Variants in PDE8A observed in about 807,000 individuals in gnomAD.
PDE8A encodes the protein high affinity cAMP-specific and IBMX-insensitive 3',5'-cyclic phosphodiesterase 8A.
PDE8A carries 59 observed loss-of-function variants against 105.0 expected under a neutral mutation model. The observed-to-expected ratio is 0.56, with a 90% CI of 0.46 to 0.70. PDE8A has a LOEUF of 0.70. Among genes scored for constraint, PDE8A ranks in the 30% least tolerant of loss-of-function variants. The pLI is 0.00. For synonymous variants in PDE8A, 355 were observed against 371.9 expected, an observed-to-expected ratio of 0.95 and a Z score of 0.52; for missense variants, 1,014 against 1,045.9, an observed-to-expected ratio of 0.97 and a Z score of 0.42.
intron 1 of PDE8A, among the ~76,000 whole-genome samples, chr15:85,037,743 GGAAAT>G (rs991903564): frequency 1.1e-3 from 173 of 152,250 alleles, no homozygotes; most frequent in African/African-American, 4.1e-3. Context: ...GAAGTAAAGA[GGAAAT>G]GATATCAGCA....
At chr15:85,117,228 A>G (rs2082110154) in intron 16 of PDE8A, among the ~76,000 whole-genome samples, 1 of 152,232 alleles carries the variant, frequency 6.6e-6, no homozygotes, top group Non-Finnish European at 1.5e-5. Flanking sequence ...TATAGGCAGG[A>G]TGTCTGGCCA....
chr15:85,048,512 C>G (rs1029472087), intron 1 of PDE8A, among the ~76,000 whole-genome samples: 1 of 152,170 alleles, frequency 6.6e-6, no homozygotes, highest in Non-Finnish European at 1.5e-5. Context: ...TCTGCTTTCT[C>G]TTACGAAACT....
chr15:85,102,617 G>C (rs1016507175), intron 11 of PDE8A, among the ~76,000 whole-genome samples: 1 of 151,686 alleles, frequency 6.6e-6, no homozygotes, highest in African/African-American at 2.4e-5. Flanking sequence ...GAGGCAGGCA[G>C]ATCACCTGAG....
At chr15:85,057,861 A>G (rs374979323) in intron 1 of PDE8A, among the ~76,000 whole-genome samples, 4 of 152,306 alleles carry the variant, frequency 2.6e-5, no homozygotes, top group African/African-American at 4.8e-5. Context: ...TCATATGTCA[A>G]TACATCCTTG....
rs534596325 is a variant in PDE8A, at chr15:85,093,385, C to T, written c.852+2204C>T. Among the ~76,000 whole-genome samples the T allele has an allele frequency of 4.2e-4, 64 of 152,274 alleles. 1 individual carries two copies. Among genetic ancestry groups the T allele is most frequent in the Non-Finnish European group, 1.0e-4 (7 of 68,028 alleles). On this transcript the variant is annotated intron_variant, in intron 8 of 21. Transcript: ENST00000394553. Reference sequence around the variant, plus strand: ...GTGAAAGAATCCATAATTCCATCTCCGGGGAACAGGGCTTGTTGAGGGGTC... The same window carrying T: ...GTGAAAGAATCCATAATTCCATCTCTGGGGAACAGGGCTTGTTGAGGGGTC...
At chr15:85,037,753 T>A (rs2080731263) in intron 1 of PDE8A, among the ~76,000 whole-genome samples, 1 of 152,224 alleles carries the variant, frequency 6.6e-6, no homozygotes, top group Non-Finnish European at 1.5e-5. Context: ...GGAAATGATA[T>A]CAGCAGATGT....
At position 84,981,918 on chromosome 15, in the gene PDE8A, G is replaced by C. The variant is rs1258208909; in HGVS notation, c.-245G>C. 1 of 252,598 alleles carries C rather than the reference G, an allele frequency of 4.0e-6. No homozygotes were observed. Among genetic ancestry groups the C allele is most frequent in the African/African-American group, 2.3e-5 (1 of 44,004 alleles). The allele number at this position is 252,598 out of a possible 1,614,324, so 15.6% of individuals were successfully genotyped here. A position where few individuals can be genotyped will look rare whatever the true frequency, so the allele number is the denominator to read the frequency against. On this transcript the variant is annotated 5_prime_UTR_variant, in exon 1 of 22. It removes an upstream start codon present in the reference 5' UTR. Coordinates refer to ENST00000394553, the MANE Select transcript of PDE8A (RefSeq NM_002605.3). ...TCGGCTCCTGCCTCAGGAAGGGCAT[G>C]TTCGGAGGGGCGGCCTCGGCACGCC...
In PDE8A at chr15:85,030,115, C is replaced by T. The variant is rs577990023; in HGVS notation, c.187-34255C>T. On this transcript the variant is annotated intron_variant, in intron 1 of 21. Transcript: ENST00000394553. ...ATTCTCACTTGCATTGAGCTCCAAC[C>T]TCCCTTTGGTTACTTCCATAGGTCA... Among the ~76,000 whole-genome samples the T allele has an allele frequency of 3.9e-5, 6 of 152,280 alleles. No homozygotes were observed. The East Asian group carries it at 9.7e-4, about 25-fold the overall frequency.
intron 1 of PDE8A, among the ~76,000 whole-genome samples, chr15:85,027,100 C>A (rs1012604059): frequency 2.0e-5 from 3 of 152,120 alleles, no homozygotes; most frequent in African/African-American, 4.8e-5. Context: ...CCTGTAAGAA[C>A]AAAAAGTCCT....
intron 3 of PDE8A, among the ~76,000 whole-genome samples, chr15:85,072,108 CT>C (rs1429495170): frequency 6.6e-6 from 1 of 152,180 alleles, no homozygotes; most frequent in Non-Finnish European, 1.5e-5. Flanking sequence ...GCACCAGATG[CT>C]TTTATACAAT....
upstream of PDE8A, among the ~76,000 whole-genome samples, chr15:84,981,249 CGCATGCTCA>C (rs1483000148): frequency 1.3e-5 from 2 of 152,210 alleles, no homozygotes; most frequent in African/African-American, 4.8e-5. Flanking sequence ...GTCGTCGCCG[CGCATGCTCA>C]GTTGCGGGCG....
At chr15:85,100,093 C>T (rs751301005) in intron 10 of PDE8A, 27 bp downstream of exon 10, 1 of 1,613,100 alleles carries the variant, frequency 6.2e-7, no homozygotes, top group South Asian at 1.1e-5. Flanking sequence ...CCCCGGGGCC[C>T]CAGGAACACC....
intron 1 of PDE8A, among the ~76,000 whole-genome samples, chr15:85,037,742 A>C (rs1201375015): frequency 6.6e-6 from 1 of 152,220 alleles, no homozygotes; most frequent in African/African-American, 2.4e-5. Context: ...TGAAGTAAAG[A>C]GGAAATGATA....
chr15:84,995,346 C>G (rs1472893577), intron 1 of PDE8A, among the ~76,000 whole-genome samples: 1 of 151,240 alleles, frequency 6.6e-6, no homozygotes, highest in Admixed American at 6.6e-5. Context: ...GCAGGGTCTC[C>G]CTCTGTTGCC....
chr15:85,080,754 A>G (rs907252468), intron 5 of PDE8A, among the ~76,000 whole-genome samples: 5 of 152,154 alleles, frequency 3.3e-5, no homozygotes, highest in African/African-American at 1.2e-4. Flanking sequence ...CTAACTTGAA[A>G]AGTAACTGAC....
chr15:85,109,668 C>G lies in PDE8A; in HGVS notation c.1114+538C>G, dbSNP rs547840459. 4.6e-5 allele frequency among the ~76,000 whole-genome samples: 7 copies of G among 152,306 alleles called. No homozygotes were observed. In the East Asian group the frequency reaches 1.3e-3, roughly 29 times the overall value. On this transcript the variant is annotated intron_variant, in intron 12 of 21. Coordinates refer to ENST00000394553, the MANE Select transcript of PDE8A (RefSeq NM_002605.3). ...GTGTGGAGGCAGGTATTGCTGCTAG[C>G]TGTATACATTCTTTGGCCCAAAAAT...
At chr15:85,050,815 A>G (rs1311996523) in intron 1 of PDE8A, among the ~76,000 whole-genome samples, 1 of 152,130 alleles carries the variant, frequency 6.6e-6, no homozygotes, top group African/African-American at 2.4e-5. Context: ...TTCCATATGA[A>G]TTTTAGAATG....
chr15:85,073,169 A>G (rs1471043950), intron 3 of PDE8A, among the ~76,000 whole-genome samples: 1 of 152,182 alleles, frequency 6.6e-6, no homozygotes, highest in Non-Finnish European at 1.5e-5. Context: ...TGCTTTCAGA[A>G]TCTCATTCTA....
intron 20 of PDE8A, among the ~76,000 whole-genome samples, chr15:85,129,911 T>C (rs184837454): frequency 6.6e-6 from 1 of 152,380 alleles, no homozygotes; most frequent in East Asian, 1.9e-4. Context: ...TAATTTCCCT[T>C]ATGATTTCTT....
Sources: gnomAD v4.1 joint callset for allele counts (sites outside exome capture counted in the v4.1 genomes callset) on GRCh38, gnomAD v4.1.1 for gene constraint, MANE v1.5 for transcripts, NCBI Gene and HGNC (gene_info 2026-07-23, HGNC 2026-07-21) for gene names.